The following STAC variants were observed in gnomAD, a reference collection of about 807,000 sequenced individuals.
The protein encoded by STAC is SH3 and cysteine-rich domain-containing protein.
STAC carries 43 observed loss-of-function variants against 48.8 expected under a neutral mutation model. The observed-to-expected ratio is 0.88, with a 90% confidence interval of 0.69 to 1.14. The LOEUF (loss-of-function observed/expected upper bound fraction) is 1.14, where lower values mean the gene tolerates loss of function less well. Ranked by LOEUF, STAC falls within the 50% of genes most tolerant of loss-of-function variation. The pLI, the probability that STAC is intolerant of heterozygous loss-of-function variation, is 0.00. For missense variants in STAC, 497 were observed against 504.0 expected, an observed-to-expected ratio of 0.99 and a Z score of 0.13; for synonymous variants, 193 against 179.5, an observed-to-expected ratio of 1.07 and a Z score of -0.60.
intron 10 of STAC, among the ~76,000 whole-genome samples, chr3:36,530,494 C>A (rs1189997869): frequency 6.6e-5 from 10 of 151,504 alleles, no homozygotes; most frequent in Admixed American, 5.9e-4. Context: ...CTTAATCAAC[C>A]ATTGTATAGT....
At chr3:36,522,612 G>A (rs938612377) in intron 8 of STAC, among the ~76,000 whole-genome samples, 2 of 152,176 alleles carry the variant, frequency 1.3e-5, no homozygotes, top group Non-Finnish European at 2.9e-5. Context: ...AGAAATGGAG[G>A]AGTGAGACAA....
In STAC at chr3:36,408,735, G is replaced by C. The variant is rs192884581; in HGVS notation, c.111+27981G>C. Among the ~76,000 whole-genome samples, 6 of 152,278 alleles carry C rather than the reference G, an allele frequency of 3.9e-5. No individual in the cohort carries two copies. The East Asian group carries it at 1.2e-3, about 29-fold the overall frequency. ...CCAGATTTAAGGCTGGAATGAGGAA[G>C]GCAAAGTAAAAGAATGGAGAGAACC... On this transcript the variant is annotated intron_variant, in intron 1 of 10. Transcript: ENST00000273183.
At chr3:36,425,165 T>C (rs1392785915) in intron 1 of STAC, among the ~76,000 whole-genome samples, 1 of 152,168 alleles carries the variant, frequency 6.6e-6, no homozygotes, top group African/African-American at 2.4e-5. Context: ...GAGGTAACTT[T>C]ACAGTGGAGC....
At chr3:36,409,858 T>C (rs1700155040) in intron 1 of STAC, 1 of 152,224 alleles carries the variant, frequency 6.6e-6, no homozygotes, top group African/African-American at 2.4e-5. Context: ...CTAGGGCATT[T>C]TGCAGACCTT....
intron 1 of STAC, among the ~76,000 whole-genome samples, chr3:36,390,451 C>CTTGTTTTTTTTTTTTTTTTTT (rs1699727015): frequency 1.2e-5 from 1 of 80,824 alleles, no homozygotes; most frequent in Non-Finnish European, 2.4e-5. Flanking sequence ...TTTTTCTTTT[C>CTTGTTTTTTTTTTTTTTTTTT]TTTTTTTTTT....
At chr3:36,409,181 T>C (rs73059923) in intron 1 of STAC, among the ~76,000 whole-genome samples, 3,538 of 152,292 alleles carry the variant, frequency 0.023, 60 homozygotes, top group East Asian at 0.026. Flanking sequence ...ATATTTTCTA[T>C]AGTCTTCCAG....
chr3:36,516,248 C>A (rs1382517065), intron 8 of STAC, among the ~76,000 whole-genome samples: 1 of 151,930 alleles, frequency 6.6e-6, no homozygotes, highest in Non-Finnish European at 1.5e-5. Flanking sequence ...TCCTAAAGTG[C>A]TGGTATTACA....
At chr3:36,424,849 T>G (rs994087194) in intron 1 of STAC, among the ~76,000 whole-genome samples, 2 of 152,130 alleles carry the variant, frequency 1.3e-5, no homozygotes, top group African/African-American at 4.8e-5. Flanking sequence ...CAAGTATCTA[T>G]CATTCCATAC....
intron 2 of STAC, among the ~76,000 whole-genome samples, chr3:36,473,283 AT>A (rs1304149041): frequency 2.0e-5 from 3 of 152,086 alleles, no homozygotes; most frequent in Non-Finnish European, 4.4e-5. Context: ...TCAAGTTGAG[AT>A]TTGGGTGGGG....
At chr3:36,453,312 G>C (rs1696740984) in intron 2 of STAC, among the ~76,000 whole-genome samples, 1 of 152,232 alleles carries the variant, frequency 6.6e-6, no homozygotes, top group African/African-American at 2.4e-5. Flanking sequence ...CAAGGCCGGA[G>C]CCAGCTCCCT....
chr3:36,392,506 A>AT (rs893121955), intron 1 of STAC, among the ~76,000 whole-genome samples: 1 of 152,002 alleles, frequency 6.6e-6, no homozygotes, highest in African/African-American at 2.4e-5. Context: ...TGCCCAGCTA[A>AT]TTTTTATTTA....
rs192497714 is a variant in STAC at position 36,483,237 on chromosome 3, C to T, written c.489+145C>T. The T allele has an allele frequency of 3.4e-3, 2,080 of 605,484 alleles. 12 individuals carry two copies. The highest frequency in any genetic ancestry group is 7.0e-3 in the South Asian group (338 of 48,476). 37.5% of individuals were successfully genotyped at this position (605,484 alleles called of 1,614,324 possible). A position where few individuals can be genotyped will look rare whatever the true frequency, so the allele number is the denominator to read the frequency against. On this transcript the variant is annotated intron_variant, in intron 3 of 10. Coordinates refer to ENST00000273183, the MANE Select transcript of STAC (RefSeq NM_003149.3). ...GCTGCCAGCTTGGCTTCCTAATTGG[C>T]GTAATCAGAAAACAAGGACAAGGGC...
intron 2 of STAC, among the ~76,000 whole-genome samples, chr3:36,469,082 T>A (rs1218150591): frequency 1.3e-5 from 2 of 152,198 alleles, no homozygotes; most frequent in African/African-American, 2.4e-5. Flanking sequence ...TTAGGTCATT[T>A]ACATTCAATG....
At position 36,398,554 on chromosome 3, in the gene STAC, AGAGAGGGAAGG is replaced by A. The variant is rs1559477348; in HGVS notation, c.111+17801_111+17811del. 3.2e-3 allele frequency among the ~76,000 whole-genome samples: 154 copies of A among 48,446 alleles called. 32 individuals are homozygous for A. Among genetic ancestry groups the A allele is most frequent in the East Asian group, 3.9e-3 (6 of 1,542 alleles). 31.8% of individuals were successfully genotyped at this position (48,446 alleles called of 152,430 possible). On this transcript the variant is annotated intron_variant, in intron 1 of 10. Coordinates refer to ENST00000273183, the MANE Select transcript of STAC (RefSeq NM_003149.3). Reference sequence around the variant, plus strand: ...GAAAGAAAGAGAGGTAAAGAGAAAGAGAGAGGGAAGGAAGGAAGGAAGGAAGGAAGGAAGGA... The same window carrying A: ...GAAAGAAAGAGAGGTAAAGAGAAAGAAAGGAAGGAAGGAAGGAAGGAAGGA...
chr3:36,454,066 C>T (rs1034497220), intron 2 of STAC, among the ~76,000 whole-genome samples: 1 of 152,166 alleles, frequency 6.6e-6, no homozygotes, highest in Non-Finnish European at 1.5e-5. Flanking sequence ...ACCCTCTGGG[C>T]TCTACCAATC....
chr3:36,416,893 C>T (rs1700332184), intron 1 of STAC, among the ~76,000 whole-genome samples: 1 of 152,208 alleles, frequency 6.6e-6, no homozygotes, highest in African/African-American at 2.4e-5. Context: ...AGCAGGCTTC[C>T]TCTGGTACTG....
chr3:36,417,703 C>T (rs1315080255), intron 1 of STAC, among the ~76,000 whole-genome samples: 1 of 152,076 alleles, frequency 6.6e-6, no homozygotes, highest in African/African-American at 2.4e-5. Context: ...CGGGTTCCAG[C>T]AAGGGAATAG....
intron 10 of STAC, among the ~76,000 whole-genome samples, chr3:36,531,282 G>C (rs1451925016): frequency 6.6e-6 from 1 of 151,654 alleles, no homozygotes; most frequent in African/African-American, 2.4e-5. Flanking sequence ...TATGCAAAAA[G>C]ACAGTCATCA....
intron 4 of STAC, 71 bp from the exon 5 acceptor site, chr3:36,486,060 CAGG>C (rs1697801891): frequency 2.6e-6 from 3 of 1,139,184 alleles, no homozygotes; most frequent in African/African-American, 3.1e-5. Context: ...GCTGTTCACC[CAGG>C]AGATGTGGTA....
Sources: gnomAD v4.1 joint callset for allele counts (sites outside exome capture counted in the v4.1 genomes callset) on GRCh38, gnomAD v4.1.1 for gene constraint, MANE v1.5 for transcripts, NCBI Gene and HGNC (gene_info 2026-07-23, HGNC 2026-07-21) for gene names.